Variants in TUSC3 observed in about 807,000 individuals in gnomAD.
TUSC3 encodes the protein tumor suppressor candidate 3, also known as dolichyl-diphosphooligosaccharide--protein glycosyltransferase subunit TUSC3.
In TUSC3, 45 loss-of-function variants were observed where a neutral mutation model predicts 44.8. The ratio of observed to expected loss-of-function variants is 1.00; its 90% confidence interval spans 0.79 to 1.29. The LOEUF is 1.29. Ranked by LOEUF, TUSC3 falls within the 50% of genes most tolerant of loss-of-function variation. TUSC3 has a pLI of 0.00. For missense variants in TUSC3, 519 were observed against 437.9 expected (o/e 1.19, Z -1.65); for synonymous variants, 212 against 152.9 (o/e 1.39, Z -2.85).
chr8:15,682,556 T>C (rs1808469225), intron 6 of TUSC3, among the ~76,000 whole-genome samples: 1 of 152,180 alleles, frequency 6.6e-6, no homozygotes, highest in Admixed American at 6.5e-5. Context: ...TATTGTTACA[T>C]GTGAAATGGA....
At chr8:15,673,133 A>T (rs1808022705) in intron 5 of TUSC3, among the ~76,000 whole-genome samples, 1 of 152,074 alleles carries the variant, frequency 6.6e-6, no homozygotes, top group Non-Finnish European at 1.5e-5. Flanking sequence ...TTGGATCTTC[A>T]ATATTAGTTT....
At chr8:15,650,894 A>T in intron 3 of TUSC3, 80 bp downstream of exon 3, 1 of 1,442,928 alleles carries the variant, frequency 6.9e-7, no homozygotes. Flanking sequence ...TAAAAATACA[A>T]TTCATTCATC....
the TUSC3 span, among the ~76,000 whole-genome samples, chr8:15,794,898 C>T: frequency 6.6e-6 from 1 of 152,202 alleles, no homozygotes; most frequent in South Asian, 2.1e-4. Flanking sequence ...CAATCCAAAA[C>T]AAAGAAAGTC....
At chr8:15,446,329 G>A (rs1272273675) in intron 1 of TUSC3, among the ~76,000 whole-genome samples, 10 of 152,086 alleles carry the variant, frequency 6.6e-5, no homozygotes, top group East Asian at 5.9e-4. Flanking sequence ...ACGGGGTGGC[G>A]GCCGGGCAGA....
chr8:15,447,972 G>T (rs1422638886), intron 1 of TUSC3, among the ~76,000 whole-genome samples: 6 of 151,182 alleles, frequency 4.0e-5, no homozygotes, highest in Non-Finnish European at 7.4e-5. Flanking sequence ...TAAATGAAAA[G>T]TTCAGTTCTA....
chr8:15,751,428 A>G (rs1328217720), intron 9 of TUSC3, among the ~76,000 whole-genome samples: 1 of 152,106 alleles, frequency 6.6e-6, no homozygotes, highest in Non-Finnish European at 1.5e-5. Context: ...TCTTCAGCTG[A>G]TTAGAGCCTT....
At chr8:15,581,557 G>C (rs954850908) in intron 1 of TUSC3, among the ~76,000 whole-genome samples, 2 of 148,556 alleles carry the variant, frequency 1.3e-5, no homozygotes, top group African/African-American at 5.1e-5. Flanking sequence ...TCAGCTGCAG[G>C]TCTGTTGGAA....
At chr8:15,835,009 C>G in the TUSC3 span, among the ~76,000 whole-genome samples, 2 of 152,200 alleles carry the variant, frequency 1.3e-5, no homozygotes, top group Non-Finnish European at 2.9e-5. Flanking sequence ...TATAGGGAAG[C>G]ATGACTGTAA....
At chr8:15,533,260 A>G (rs1563276213) in intron 2 of TUSC3, among the ~76,000 whole-genome samples, 1 of 152,188 alleles carries the variant, frequency 6.6e-6, no homozygotes, top group Admixed American at 6.5e-5. Context: ...GGTCTTGGGT[A>G]TATCTTTATC....
the TUSC3 span, among the ~76,000 whole-genome samples, chr8:15,777,085 G>T: frequency 6.6e-6 from 1 of 152,216 alleles, no homozygotes; most frequent in African/African-American, 2.4e-5. Context: ...TTTCCAGCTA[G>T]AATCTTCTTT....
At chr8:15,680,984 A>G (rs1431625136) in intron 6 of TUSC3, among the ~76,000 whole-genome samples, 8 of 152,202 alleles carry the variant, frequency 5.3e-5, no homozygotes, top group Middle Eastern at 3.4e-3. Flanking sequence ...TCAATTTGCT[A>G]TAATAATATT....
the TUSC3 span, among the ~76,000 whole-genome samples, chr8:15,796,046 C>G: frequency 6.4e-4 from 97 of 151,284 alleles, no homozygotes; most frequent in African/African-American, 2.2e-3. Context: ...TGTGGCCTTA[C>G]CCTCAGGTAA....
intron 1 of TUSC3, among the ~76,000 whole-genome samples, chr8:15,570,973 T>TTTTTTTTTTTTTTTTTTTC (rs1802854530): frequency 7.4e-6 from 1 of 135,450 alleles, no homozygotes; most frequent in Non-Finnish European, 1.6e-5. Context: ...TTTTTTTTTT[T>TTTTTTTTTTTTTTTTTTTC]TGAGATTGAG....
At chr8:15,540,127 G>T (rs886062760), upstream of TUSC3, 135 of 367,442 alleles carry the variant, frequency 3.7e-4, no homozygotes, top group East Asian at 6.0e-3. Context: ...CCTCTCCTCA[G>T]CGCTGGTCCG....
At position 15,684,738 on chromosome 8, in the gene TUSC3, C is replaced by G. The variant is rs1184062559; in HGVS notation, c.798+10902C>G. ...TCAAGCTAAGGCCACAGATCTGCAG[C>G]TTGGTATCCCTGGGTGGTGTGGTCA... On this transcript the variant is annotated intron_variant, in intron 6 of 10. Coordinates refer to ENST00000503731, the MANE Select transcript of TUSC3 (RefSeq NM_006765.4). 2.0e-5 allele frequency among the ~76,000 whole-genome samples: 3 copies of G among 152,182 alleles called. No individual in the cohort carries two copies. In the East Asian group the frequency reaches 5.8e-4, roughly 29 times the overall value.
intron 2 of TUSC3, among the ~76,000 whole-genome samples, chr8:15,522,693 A>G (rs906838098): frequency 6.6e-6 from 1 of 151,954 alleles, no homozygotes; most frequent in East Asian, 1.9e-4. Context: ...AATCCAGGAG[A>G]CAGGATAGGA....
chr8:15,578,793 C>T (rs1803210701), intron 1 of TUSC3, among the ~76,000 whole-genome samples: 1 of 152,090 alleles, frequency 6.6e-6, no homozygotes, highest in African/African-American at 2.4e-5. Context: ...TGTTGTGTCT[C>T]TGCCTGGCTT....
At chr8:15,806,465 T>C in the TUSC3 span, 6 of 858,598 alleles carry the variant, frequency 7.0e-6, no homozygotes, top group African/African-American at 9.9e-5. Flanking sequence ...TTGACTTCCC[T>C]TATGCAAACA....
chr8:15,581,891 G>T lies in TUSC3; in HGVS notation c.139-41189G>T, dbSNP rs1176646743. Among the ~76,000 whole-genome samples, 16 of 140,090 alleles carry T rather than the reference G, an allele frequency of 1.1e-4. 1 individual carries two copies. The highest frequency in any genetic ancestry group is 4.8e-4 in the African/African-American group (16 of 33,550). 91.9% of individuals were successfully genotyped at this position (140,090 alleles called of 152,430 possible). Reference sequence around the variant, plus strand: ...ACCTAATCAAGCCTGGGCAATGGCGGGCGCCCCTCCCCCAGCCTCGCTGCC... The same window carrying T: ...ACCTAATCAAGCCTGGGCAATGGCGTGCGCCCCTCCCCCAGCCTCGCTGCC... On this transcript the variant is annotated intron_variant, in intron 1 of 10. Transcript: ENST00000503731.
Sources: allele counts gnomAD v4.1 joint callset (sites outside exome capture counted in the v4.1 genomes callset), GRCh38; gene constraint gnomAD v4.1.1; transcripts MANE v1.5; gene names NCBI Gene and HGNC (gene_info 2026-07-23, HGNC 2026-07-21).